The following RABGAP1L variants were observed in gnomAD, a reference collection of about 807,000 sequenced individuals.
RABGAP1L encodes the protein RAB GTPase activating protein 1 like.
In RABGAP1L, 63 loss-of-function variants were observed where a neutral mutation model predicts 137.7. That is an observed-to-expected ratio of 0.46 (90% confidence interval 0.37 to 0.56). The LOEUF (loss-of-function observed/expected upper bound fraction) is 0.56, where lower values mean the gene tolerates loss of function less well. RABGAP1L is among the 20% of genes least tolerant of loss of function. RABGAP1L has a pLI of 0.00. For synonymous variants in RABGAP1L, 431 were observed against 433.7 expected, an observed-to-expected ratio of 0.99 and a Z score of 0.08; for missense variants, 1,095 against 1,244.0, an observed-to-expected ratio of 0.88 and a Z score of 1.80.
intron 19 of RABGAP1L, among the ~76,000 whole-genome samples, chr1:174,872,095 TA>T (rs1269973452): frequency 6.6e-6 from 1 of 152,182 alleles, no homozygotes; most frequent in Non-Finnish European, 1.5e-5. Context: ...GCATACCTGT[TA>T]AGCAAGTATT....
At chr1:174,633,381 AGAG>A (rs951947083) in intron 13 of RABGAP1L, among the ~76,000 whole-genome samples, 2 of 150,022 alleles carry the variant, frequency 1.3e-5, no homozygotes, top group African/African-American at 2.5e-5. Flanking sequence ...AGGAAATAAA[AGAG>A]GATACAAACA....
intron 13 of RABGAP1L, among the ~76,000 whole-genome samples, chr1:174,453,022 A>G (rs958607867): frequency 5.3e-5 from 8 of 152,172 alleles, no homozygotes; most frequent in African/African-American, 1.9e-4. Flanking sequence ...TTTGGGGTTA[A>G]ACTCAGATAT....
At position 174,990,161 on chromosome 1, in the gene RABGAP1L, A is replaced by T; in HGVS notation, c.*160A>T. On this transcript the variant is annotated 3_prime_UTR_variant, in exon 26 of 26. Transcript: ENST00000681986. ...TTCTTGTATGACACTTTTCAAAGGG[A>T]TGCTATTTAAACTGACCTGTTCTAT... 1.0e-6 allele frequency: 1 copy of T among 964,112 alleles called. No homozygotes were observed. The highest frequency in any genetic ancestry group is 1.5e-6 in the Non-Finnish European group (1 of 668,088). The allele number at this position is 964,112 out of a possible 1,614,324, so 59.7% of individuals were successfully genotyped here. A position where few individuals can be genotyped will look rare whatever the true frequency, so the allele number is the denominator to read the frequency against.
chr1:174,848,949 G>T (rs534253168), intron 19 of RABGAP1L, among the ~76,000 whole-genome samples: 2 of 151,688 alleles, frequency 1.3e-5, no homozygotes, highest in Non-Finnish European at 2.9e-5. Context: ...TTTTTAAGCC[G>T]GTCTGAAAAG....
At chr1:174,877,633 G>A in intron 19 of RABGAP1L, 3 of 1,599,216 alleles carry the variant, frequency 1.9e-6, no homozygotes, top group South Asian at 2.2e-5. Context: ...CACTACTCTG[G>A]TTCTGTATTT....
At chr1:174,707,218 C>CTGTTCTGTTTTGTTT (rs1553238073) in intron 17 of RABGAP1L, among the ~76,000 whole-genome samples, 1 of 150,388 alleles carries the variant, frequency 6.6e-6, no homozygotes, top group Non-Finnish European at 1.5e-5. Flanking sequence ...AGGTTTTGTT[C>CTGTTCTGTTTTGTTT]TGTTTTGTTT....
At chr1:174,186,095 G>C (rs922265748) in intron 1 of RABGAP1L, among the ~76,000 whole-genome samples, 2 of 148,974 alleles carry the variant, frequency 1.3e-5, no homozygotes, top group Non-Finnish European at 3.0e-5. Flanking sequence ...GGTGAGCCGA[G>C]ATTGCGCCAT....
intron 11 of RABGAP1L, chr1:174,367,646 A>C (rs1346874283): frequency 3.8e-6 from 1 of 260,270 alleles, no homozygotes; most frequent in East Asian, 1.4e-4. Flanking sequence ...CTTTCTTTTT[A>C]ACACTGGAAA....
intron 23 of RABGAP1L, 65 bp downstream of exon 23, chr1:174,978,955 T>C: frequency 7.0e-7 from 1 of 1,420,008 alleles, no homozygotes; most frequent in Non-Finnish European, 9.2e-7. Flanking sequence ...ATTTTTTTTT[T>C]TTTGCTTGAG....
At chr1:174,403,235 GTGTGTGTGTGTGTATA>G (rs1264026187) in intron 13 of RABGAP1L, among the ~76,000 whole-genome samples, 7 of 127,108 alleles carry the variant, frequency 5.5e-5, no homozygotes, top group East Asian at 2.0e-4. Context: ...GTGTGTGTGT[GTGTGTGTGTGTGTATA>G]TATATGTGTA....
chr1:174,541,162 G>A lies in RABGAP1L; in HGVS notation c.1711-96213G>A, dbSNP rs181799053. Among the ~76,000 whole-genome samples the A allele has an allele frequency of 1.2e-3, 177 of 152,288 alleles. 1 individual carries two copies. The highest frequency in any genetic ancestry group is 4.2e-3 in the African/African-American group (173 of 41,560). Reference sequence around the variant, plus strand: ...TTTTGTATTCTAGGACTTTGCTGAAGTTGCTTATCAGCTTAGGGAGATTTT... The same window carrying A: ...TTTTGTATTCTAGGACTTTGCTGAAATTGCTTATCAGCTTAGGGAGATTTT... On this transcript the variant is annotated intron_variant, in intron 13 of 25. Transcript: ENST00000681986.
At chr1:174,622,841 A>G (rs954386309) in intron 13 of RABGAP1L, among the ~76,000 whole-genome samples, 1 of 152,226 alleles carries the variant, frequency 6.6e-6, no homozygotes, top group Non-Finnish European at 1.5e-5. Context: ...GTACCCTAAA[A>G]CTTAAAGTAT....
intron 18 of RABGAP1L, among the ~76,000 whole-genome samples, chr1:174,778,762 TTTTTTGTA>T (rs1250464155): frequency 2.0e-5 from 3 of 151,970 alleles, no homozygotes; most frequent in African/African-American, 7.3e-5. Flanking sequence ...GCCCGGCTAA[TTTTTTGTA>T]TTTTTAGTAG....
intron 13 of RABGAP1L, among the ~76,000 whole-genome samples, chr1:174,587,699 A>G (rs1669228864): frequency 6.6e-6 from 1 of 152,108 alleles, no homozygotes; most frequent in African/African-American, 2.4e-5. Flanking sequence ...CCAAATAAAA[A>G]GTAATGAGTA....
At chr1:174,961,583 G>C (rs1669092250) in intron 20 of RABGAP1L, among the ~76,000 whole-genome samples, 1 of 152,182 alleles carries the variant, frequency 6.6e-6, no homozygotes, top group African/African-American at 2.4e-5. Flanking sequence ...GGTGGCTCTT[G>C]CCTGTAATCC....
At chr1:174,465,733 C>T (rs1230349699) in intron 13 of RABGAP1L, among the ~76,000 whole-genome samples, 2 of 152,176 alleles carry the variant, frequency 1.3e-5, no homozygotes, top group African/African-American at 4.8e-5. Flanking sequence ...GCAGCTTCTC[C>T]ATGAACTTTG....
At chr1:174,533,406 G>T (rs1289288024) in intron 13 of RABGAP1L, among the ~76,000 whole-genome samples, 2 of 152,096 alleles carry the variant, frequency 1.3e-5, no homozygotes, top group Non-Finnish European at 2.9e-5. Context: ...GGCTTGCACT[G>T]TGCAGGTCTG....
rs114657731 is a variant in RABGAP1L, at chr1:174,375,352, G to A, written c.1559+4280G>A. Among the ~76,000 whole-genome samples, 1,439 of 151,778 alleles carry A rather than the reference G, an allele frequency of 9.5e-3. 23 individuals are homozygous for A. The highest frequency in any genetic ancestry group is 0.033 in the African/African-American group (1,380 of 41,406). On this transcript the variant is annotated intron_variant, in intron 12 of 25. Coordinates refer to ENST00000681986, the MANE Select transcript of RABGAP1L (RefSeq NM_001366446.1). ...AGAGAAAAACCCAAAGCAAGCAGAA[G>A]CAAGGAAATAAGAACAGAAATAAAT...
chr1:174,861,022 A>G (rs1393050470), intron 19 of RABGAP1L, among the ~76,000 whole-genome samples: 1 of 152,156 alleles, frequency 6.6e-6, no homozygotes, highest in Non-Finnish European at 1.5e-5. Flanking sequence ...TGTAGTCACC[A>G]TACTGTATAT....
Sources: gnomAD v4.1 joint callset for allele counts (sites outside exome capture counted in the v4.1 genomes callset) on GRCh38, gnomAD v4.1.1 for gene constraint, MANE v1.5 for transcripts, NCBI Gene and HGNC (gene_info 2026-07-23, HGNC 2026-07-21) for gene names.